The following PLCL1 variants were observed in gnomAD, a reference collection of about 807,000 sequenced individuals.
The protein encoded by PLCL1 is phospholipase C like 1 (inactive).
Under a neutral mutation model 84.4 loss-of-function variants are expected in PLCL1, and 41 were observed. The observed-to-expected ratio is 0.49, with a 90% CI of 0.38 to 0.63. The LOEUF (loss-of-function observed/expected upper bound fraction) is 0.63. PLCL1 is among the 30% of genes least tolerant of loss of function. The pLI is 0.00. For synonymous variants in PLCL1, 490 were observed against 488.3 expected, an observed-to-expected ratio of 1.00 and a Z score of -0.05; for missense variants, 1,206 against 1,367.8, an observed-to-expected ratio of 0.88 and a Z score of 1.87.
intron 1 of PLCL1, among the ~76,000 whole-genome samples, chr2:197,821,059 G>A (rs181445807): frequency 6.6e-6 from 1 of 152,212 alleles, no homozygotes. Context: ...TAAGGATCAC[G>A]GTGCTATAAC....
intron 1 of PLCL1, among the ~76,000 whole-genome samples, chr2:198,042,674 G>A (rs1691691835): frequency 6.6e-6 from 1 of 152,214 alleles, no homozygotes; most frequent in Non-Finnish European, 1.5e-5. Context: ...CTGTCTTAAG[G>A]TATGTTGAGT....
chr2:197,992,130 T>C (rs1690358280), intron 1 of PLCL1, among the ~76,000 whole-genome samples: 1 of 152,130 alleles, frequency 6.6e-6, no homozygotes, highest in African/African-American at 2.4e-5. Flanking sequence ...TAGTTACATA[T>C]GTATACATGT....
intron 1 of PLCL1, among the ~76,000 whole-genome samples, chr2:198,028,582 C>A (rs1691329127): frequency 6.6e-6 from 1 of 152,078 alleles, no homozygotes; most frequent in Non-Finnish European, 1.5e-5. Context: ...TTCCCCTTGA[C>A]TAGAGTAAAA....
intron 1 of PLCL1, among the ~76,000 whole-genome samples, chr2:197,831,519 G>A (rs550564250): frequency 6.6e-6 from 1 of 150,404 alleles, no homozygotes; most frequent in Non-Finnish European, 1.5e-5. Flanking sequence ...GATTCATAAA[G>A]CAGGTTCTTA....
At chr2:197,909,366 G>C (rs1688442250) in intron 1 of PLCL1, among the ~76,000 whole-genome samples, 1 of 151,454 alleles carries the variant, frequency 6.6e-6, no homozygotes, top group African/African-American at 2.4e-5. Context: ...ACAGAAGTGG[G>C]CACTAAAAAT....
chr2:197,876,490 AT>A (rs928022545), intron 1 of PLCL1, among the ~76,000 whole-genome samples: 5 of 149,636 alleles, frequency 3.3e-5, no homozygotes, highest in Admixed American at 2.0e-4. Context: ...CTTAGAGAAC[AT>A]TTTTTTTTTG....
At chr2:197,880,129 T>A (rs2105714002) in intron 1 of PLCL1, among the ~76,000 whole-genome samples, 1 of 152,314 alleles carries the variant, frequency 6.6e-6, no homozygotes, top group South Asian at 2.1e-4. Flanking sequence ...AAAAGCTACA[T>A]AAAATTATGA....
intron 1 of PLCL1, among the ~76,000 whole-genome samples, chr2:198,075,886 A>G (rs1000609180): frequency 6.6e-6 from 1 of 152,234 alleles, no homozygotes; most frequent in Non-Finnish European, 1.5e-5. Context: ...AATCACTTGT[A>G]CAATGCATAG....
chr2:197,877,118 C>A (rs545251773), intron 1 of PLCL1, among the ~76,000 whole-genome samples: 1 of 152,248 alleles, frequency 6.6e-6, no homozygotes, highest in South Asian at 2.1e-4. Context: ...AATGTAATAA[C>A]ATCAAAACCT....
Position 197,805,315 on chromosome 2 carries a change from C to T in PLCL1, c.216C>T (p.Thr72=), listed in dbSNP as rs923784065. The T allele has an allele frequency of 2.3e-6, 3 of 1,307,524 alleles. No homozygotes were observed. The East Asian group carries it at 9.3e-5, about 40-fold the overall frequency. The allele number at this position is 1,307,524 out of a possible 1,614,324, so 81.0% of individuals were successfully genotyped here. A position where few individuals can be genotyped will look rare whatever the true frequency, so the allele number is the denominator to read the frequency against. Residue 72 remains threonine, a synonymous_variant, in exon 1 of 6, where the codon ACC becomes ACT. Coordinates refer to ENST00000428675, the MANE Select transcript of PLCL1 (RefSeq NM_006226.4). This position sits in a 1 kb window ranked among gnomAD's most constrained non-coding sequence, Gnocchi z 4.0. ...GCCTCCTGGAGGCAGCACGGGCGAC[C>T]CCCCGGCGCAGCAGCATCATCAAGG... ...EAGLLEAARA[T]PRRSSIIKDP... is the part of the protein sequence containing the mutation.
chr2:198,143,425 C>T (rs1181683644), intron 5 of PLCL1, among the ~76,000 whole-genome samples: 1 of 152,080 alleles, frequency 6.6e-6, no homozygotes, highest in Admixed American at 6.6e-5. Flanking sequence ...AGTCCATGGC[C>T]CCAGGGTTGG....
At chr2:197,911,123 A>G (rs922176731) in intron 1 of PLCL1, among the ~76,000 whole-genome samples, 5 of 152,096 alleles carry the variant, frequency 3.3e-5, no homozygotes, top group Admixed American at 6.6e-5. Flanking sequence ...CGGGCAGATC[A>G]CTTGAGCTCA....
intron 1 of PLCL1, among the ~76,000 whole-genome samples, chr2:197,906,719 G>T (rs1402938785): frequency 1.3e-5 from 2 of 152,218 alleles, no homozygotes; most frequent in East Asian, 1.9e-4. Context: ...CCATTTGTTT[G>T]TGTCGTCTCT....
At chr2:197,876,604 T>A (rs77657378) in intron 1 of PLCL1, among the ~76,000 whole-genome samples, 2,392 of 152,214 alleles carry the variant, frequency 0.016, 68 homozygotes, top group African/African-American at 0.053. Flanking sequence ...AGGGTCCAGT[T>A]GCATAATAGC....
chr2:197,875,407 T>A (rs1468101445), intron 1 of PLCL1, among the ~76,000 whole-genome samples: 1 of 152,154 alleles, frequency 6.6e-6, no homozygotes, highest in East Asian at 1.9e-4. Flanking sequence ...CATTTGTTGC[T>A]TTTGAAAGGA....
At chr2:198,142,189 A>G (rs529307398) in intron 5 of PLCL1, among the ~76,000 whole-genome samples, 2 of 152,100 alleles carry the variant, frequency 1.3e-5, no homozygotes, top group African/African-American at 4.8e-5. Context: ...GAAATCCTAA[A>G]TATCTTTTGA....
chr2:198,070,979 G>C (rs1692449400), intron 1 of PLCL1: 1 of 746,354 alleles, frequency 1.3e-6, no homozygotes, highest in African/African-American at 1.9e-5. Context: ...CCTTTTTCTA[G>C]AGATAACCAC....
Position 198,147,203 on chromosome 2 carries a change from A to AGTGT in PLCL1, c.*269_*272dup, listed in dbSNP as rs55930007. On this transcript the variant is annotated 3_prime_UTR_variant, in exon 6 of 6. Coordinates refer to ENST00000428675, the MANE Select transcript of PLCL1 (RefSeq NM_006226.4). Reference sequence around the variant, plus strand: ...ACCCCTGTGTGGATGCCTGTGGAAGAGTGTGTGTGTGTGTGTGTGTGTGTG... The same window carrying AGTGT: ...ACCCCTGTGTGGATGCCTGTGGAAGAGTGTGTGTGTGTGTGTGTGTGTGTGTGTG... 33,774 of 186,904 alleles carry AGTGT rather than the reference A, an allele frequency of 0.18. 2,969 individuals are homozygous for AGTGT. Among genetic ancestry groups the AGTGT allele is most frequent in the African/African-American group, 0.27 (11,007 of 41,322 alleles). 11.6% of individuals were successfully genotyped at this position (186,904 alleles called of 1,614,324 possible). A position where few individuals can be genotyped will look rare whatever the true frequency, so the allele number is the denominator to read the frequency against.
intron 1 of PLCL1, among the ~76,000 whole-genome samples, chr2:197,960,440 G>A (rs1689588930): frequency 6.6e-6 from 1 of 152,054 alleles, no homozygotes; most frequent in Admixed American, 6.6e-5. Flanking sequence ...TTCCCTGAAT[G>A]CTCAAATTAC....
Sources: gnomAD v4.1 joint callset for allele counts (sites outside exome capture counted in the v4.1 genomes callset) on GRCh38, gnomAD v4.1.1 for gene constraint, Gnocchi (gnomAD v3.1) non-coding constraint, MANE v1.5 for transcripts, NCBI Gene and HGNC (gene_info 2026-07-23, HGNC 2026-07-21) for gene names.